Variants in GSTCD observed in about 807,000 individuals in gnomAD.
The protein encoded by GSTCD is glutathione S-transferase C-terminal domain-containing protein.
GSTCD carries 44 observed loss-of-function variants against 68.3 expected under a neutral mutation model. That is an observed-to-expected ratio of 0.64 (90% CI 0.51 to 0.83). The LOEUF (loss-of-function observed/expected upper bound fraction) is 0.83. GSTCD is among the 40% of genes least tolerant of loss of function. The pLI is 0.00. For synonymous variants in GSTCD, 273 were observed against 255.2 expected (o/e 1.07, Z -0.67); for missense variants, 739 against 735.9 (o/e 1.00, Z -0.05).
At chr4:105,778,645 A>G (rs570434006) in intron 5 of GSTCD, among the ~76,000 whole-genome samples, 5 of 152,142 alleles carry the variant, frequency 3.3e-5, no homozygotes, top group Non-Finnish European at 5.9e-5. Context: ...TTGATATGTG[A>G]AAACAATCAA....
chr4:105,840,154 T>C (rs1343811100), intron 10 of GSTCD: 1 of 446,940 alleles, frequency 2.2e-6, no homozygotes, highest in Non-Finnish European at 4.5e-6. Context: ...CAATAAAATA[T>C]GGTGAGACTT....
intron 5 of GSTCD, chr4:105,753,443 C>T (rs1734073797): frequency 6.6e-6 from 1 of 151,928 alleles, no homozygotes; most frequent in East Asian, 1.9e-4. Context: ...TGGATGTATT[C>T]ATGAACCACC....
At chr4:105,757,682 T>A (rs1734246093) in intron 5 of GSTCD, among the ~76,000 whole-genome samples, 1 of 152,202 alleles carries the variant, frequency 6.6e-6, no homozygotes, top group Non-Finnish European at 1.5e-5. Context: ...AAATCATCAA[T>A]GTCAGCTGAG....
intron 5 of GSTCD, among the ~76,000 whole-genome samples, chr4:105,732,249 T>A (rs1387165301): frequency 6.6e-6 from 1 of 152,242 alleles, no homozygotes; most frequent in Non-Finnish European, 1.5e-5. Flanking sequence ...TTGATTGGAA[T>A]AGTTTCAGAA....
intron 3 of GSTCD, among the ~76,000 whole-genome samples, chr4:105,725,365 C>T (rs1205480209): frequency 1.3e-5 from 2 of 152,076 alleles, no homozygotes; most frequent in African/African-American, 4.8e-5. Context: ...AGCACAATTA[C>T]TGGATTGTAT....
intron 1 of GSTCD, among the ~76,000 whole-genome samples, chr4:105,712,789 T>A (rs539385103): frequency 2.6e-5 from 4 of 152,260 alleles, no homozygotes; most frequent in African/African-American, 9.6e-5. Flanking sequence ...GTTTTTGGCC[T>A]AAGCATCTGG....
intron 5 of GSTCD, among the ~76,000 whole-genome samples, chr4:105,753,947 G>A (rs113325481): frequency 0.054 from 8,159 of 151,648 alleles, 251 homozygotes; most frequent in Middle Eastern, 0.14. Flanking sequence ...AATCCTCGAC[G>A]TTGCTAAACT....
intron 5 of GSTCD, among the ~76,000 whole-genome samples, chr4:105,774,436 TTCATAGTG>T (rs1225041318): frequency 4.6e-5 from 7 of 152,242 alleles, no homozygotes; most frequent in Admixed American, 2.6e-4. Context: ...ATTCAATTTC[TTCATAGTG>T]TCGATAATCT....
rs577356805 is a variant in GSTCD, at chr4:105,845,666, C to G, written c.*89C>G. 7 of 1,351,196 alleles carry G rather than the reference C, an allele frequency of 5.2e-6. No homozygotes were observed. The Admixed American group carries it at 1.2e-4, about 23-fold the overall frequency. The allele number at this position is 1,351,196 out of a possible 1,614,324, so 83.7% of individuals were successfully genotyped here. A position where few individuals can be genotyped will look rare whatever the true frequency, so the allele number is the denominator to read the frequency against. Reference sequence around the variant, plus strand: ...GGAGGTTCTTGGCATAACTAGGAAACAGCATTAGCCATCTTGAACCTATTG... The same window carrying G: ...GGAGGTTCTTGGCATAACTAGGAAAGAGCATTAGCCATCTTGAACCTATTG... On this transcript the variant is annotated 3_prime_UTR_variant, in exon 12 of 12. Transcript: ENST00000515279.
At chr4:105,822,866 C>A in intron 5 of GSTCD, 88 bp from the exon 6 acceptor site, 1 of 851,558 alleles carries the variant, frequency 1.2e-6, no homozygotes, top group Non-Finnish European at 1.9e-6. Flanking sequence ...CCTCCTCCTC[C>A]TCTATGCTGG....
At chr4:105,764,619 T>G (rs963412671) in intron 5 of GSTCD, among the ~76,000 whole-genome samples, 1 of 152,208 alleles carries the variant, frequency 6.6e-6, no homozygotes, top group African/African-American at 2.4e-5. Context: ...CACACACTCC[T>G]TATGTCTCTT....
chr4:105,793,390 G>T lies in GSTCD; in HGVS notation c.1241-29564G>T, dbSNP rs187747528. On this transcript the variant is annotated intron_variant, in intron 5 of 11. Transcript: ENST00000515279. Reference sequence around the variant, plus strand: ...AAGAAATTATTGCTAATTTTTTGGGGTGTGATATCATGATTATGTTTTTTT... The same window carrying T: ...AAGAAATTATTGCTAATTTTTTGGGTTGTGATATCATGATTATGTTTTTTT... Among the ~76,000 whole-genome samples, 608 of 150,322 alleles carry T rather than the reference G, an allele frequency of 4.0e-3. 13 individuals are homozygous for T. Among genetic ancestry groups the T allele is most frequent in the African/African-American group, 0.014 (581 of 40,500 alleles).
At chr4:105,795,708 G>C (rs905148877) in intron 5 of GSTCD, among the ~76,000 whole-genome samples, 1 of 152,118 alleles carries the variant, frequency 6.6e-6, no homozygotes, top group African/African-American at 2.4e-5. Flanking sequence ...TCCCTTCTCA[G>C]CTCCAGCCAG....
intron 8 of GSTCD, among the ~76,000 whole-genome samples, chr4:105,832,480 A>AG (rs1723937447): frequency 6.6e-6 from 1 of 152,236 alleles, no homozygotes; most frequent in Admixed American, 6.5e-5. Flanking sequence ...AGTGTAAGGA[A>AG]TGTGAACCTA....
intron 8 of GSTCD, among the ~76,000 whole-genome samples, chr4:105,832,795 GA>G (rs1469779793): frequency 6.6e-6 from 1 of 152,226 alleles, no homozygotes; most frequent in Non-Finnish European, 1.5e-5. Context: ...CCCTCCAGGG[GA>G]AGATGTGTCT....
intron 8 of GSTCD, among the ~76,000 whole-genome samples, chr4:105,826,750 G>A (rs1723636979): frequency 6.6e-6 from 1 of 151,366 alleles, no homozygotes; most frequent in Admixed American, 6.6e-5. Flanking sequence ...GATATTTTAT[G>A]CATCCTTTAA....
At chr4:105,748,528 A>T (rs1459238849) in intron 5 of GSTCD, among the ~76,000 whole-genome samples, 1 of 152,128 alleles carries the variant, frequency 6.6e-6, no homozygotes, top group Non-Finnish European at 1.5e-5. Context: ...TAAAGTGTTT[A>T]TTTAAACTTA....
intron 5 of GSTCD, among the ~76,000 whole-genome samples, chr4:105,792,258 C>A (rs1578478801): frequency 6.6e-6 from 1 of 152,008 alleles, no homozygotes; most frequent in Non-Finnish European, 1.5e-5. Flanking sequence ...TGGTATCCAA[C>A]AGATATTCAA....
Position 105,756,495 on chromosome 4 carries a change from T to TACACACACAC in GSTCD, c.1240+27019_1240+27028dup, listed in dbSNP as rs3055931. ...CACTGGTAGCAGAGACCTATGCACA[T>TACACACACAC]ACACACACACACACACACACACACA... is the stretch of plus-strand genomic sequence containing the variant. On this transcript the variant is annotated intron_variant, in intron 5 of 11. Coordinates refer to ENST00000515279, the MANE Select transcript of GSTCD (RefSeq NM_001370181.1). Among the ~76,000 whole-genome samples the TACACACACAC allele has an allele frequency of 1.6e-3, 220 of 139,488 alleles. 2 individuals carry two copies. Among genetic ancestry groups the TACACACACAC allele is most frequent in the African/African-American group, 4.6e-3 (171 of 37,204 alleles). 91.5% of individuals were successfully genotyped at this position (139,488 alleles called of 152,430 possible). A position where few individuals can be genotyped will look rare whatever the true frequency, so the allele number is the denominator to read the frequency against.
Sources: gnomAD v4.1 joint callset for allele counts (sites outside exome capture counted in the v4.1 genomes callset) on GRCh38, gnomAD v4.1.1 for gene constraint, MANE v1.5 for transcripts, NCBI Gene and HGNC (gene_info 2026-07-23, HGNC 2026-07-21) for gene names.